The following NSUN6 variants were observed in gnomAD, a reference collection of about 807,000 sequenced individuals.
The protein encoded by NSUN6 is tRNA (cytosine(72)-C(5))-methyltransferase NSUN6.
NSUN6 carries 64 observed loss-of-function variants against 58.0 expected under a neutral mutation model. The ratio of observed to expected loss-of-function variants is 1.10; its 90% CI spans 0.90 to 1.36. The LOEUF (loss-of-function observed/expected upper bound fraction) is 1.36. Among genes scored for constraint, NSUN6 ranks in the 40% most tolerant of loss-of-function variants. The pLI is 0.00. For missense variants in NSUN6, 701 were observed against 550.1 expected (o/e 1.27, Z -2.74); for synonymous variants, 231 against 193.9 (o/e 1.19, Z -1.59).
chr10:18,634,708 G>C (rs1343348754), intron 3 of NSUN6, among the ~76,000 whole-genome samples: 1 of 152,098 alleles, frequency 6.6e-6, no homozygotes, highest in East Asian at 1.9e-4. Context: ...CTTGCAGTGA[G>C]CTCCTGCCAC....
chr10:18,556,156 G>A (rs1421278306), intron 8 of NSUN6, among the ~76,000 whole-genome samples: 1 of 151,090 alleles, frequency 6.6e-6, no homozygotes, highest in Non-Finnish European at 1.5e-5. Flanking sequence ...GAATGGAATG[G>A]AGAATGGAAT....
intron 1 of NSUN6, among the ~76,000 whole-genome samples, chr10:18,650,922 C>T (rs1779302223): frequency 6.6e-6 from 1 of 152,184 alleles, no homozygotes; most frequent in South Asian, 2.1e-4. Flanking sequence ...TTTTCCACTC[C>T]TAAATGTTAA....
chr10:18,653,861 C>G (rs2059748135), upstream of NSUN6, among the ~76,000 whole-genome samples: 2 of 152,138 alleles, frequency 1.3e-5, no homozygotes, highest in Admixed American at 6.5e-5. Flanking sequence ...ATTTAGGCTA[C>G]AAGTTCTTCA....
At position 18,566,471 on chromosome 10, in the gene NSUN6, CTCCAT is replaced by C. The variant is rs775276238; in HGVS notation, c.923-14505_923-14501del. ...ATTCCATTCTGCATTCCATTCCATT[CTCCAT>C]TCCATTCCATTCTCCATTCCATTCC... On this transcript the variant is annotated intron_variant, in intron 8 of 10. Coordinates refer to ENST00000377304, the MANE Select transcript of NSUN6 (RefSeq NM_182543.5). Among the ~76,000 whole-genome samples, 20 of 142,316 alleles carry C rather than the reference CTCCAT, an allele frequency of 1.4e-4. No homozygotes were observed. The East Asian group carries it at 3.9e-3, about 28-fold the overall frequency. The allele number at this position is 142,316 out of a possible 152,430, so 93.4% of individuals were successfully genotyped here. A position where few individuals can be genotyped will look rare whatever the true frequency, so the allele number is the denominator to read the frequency against.
upstream of NSUN6, chr10:18,658,622 T>TA: frequency 9.4e-6 from 9 of 961,918 alleles, no homozygotes; most frequent in Non-Finnish European, 1.1e-5. Flanking sequence ...TGTGTTATTA[T>TA]TATGTGTTAT....
chr10:18,611,619 T>G (rs1237607675), intron 5 of NSUN6, among the ~76,000 whole-genome samples: 1 of 152,126 alleles, frequency 6.6e-6, no homozygotes, highest in African/African-American at 2.4e-5. Context: ...AGCCTCTAAC[T>G]ACTGGGTTCA....
At chr10:18,616,431 C>A (rs1479554661) in intron 3 of NSUN6, 138 bp from the exon 4 acceptor site, 3 of 540,984 alleles carry the variant, frequency 5.5e-6, no homozygotes, top group Non-Finnish European at 6.5e-6. Context: ...AAAAGAGAGG[C>A]ATACATATAG....
upstream of NSUN6, among the ~76,000 whole-genome samples, chr10:18,657,483 A>AAATAAATACATTC (rs2059789798): frequency 1.3e-5 from 2 of 152,224 alleles, no homozygotes; most frequent in Admixed American, 6.5e-5. Context: ...AGCCATGTTC[A>AAATAAATACATTC]AATAAATACA....
At chr10:18,618,483 A>G (rs1166085871) in intron 3 of NSUN6, among the ~76,000 whole-genome samples, 1 of 151,998 alleles carries the variant, frequency 6.6e-6, no homozygotes, top group Non-Finnish European at 1.5e-5. Context: ...GGAGTTCAAG[A>G]CCAGCCTGAC....
chr10:18,563,049 G>A (rs2055653857), intron 8 of NSUN6, among the ~76,000 whole-genome samples: 1 of 150,666 alleles, frequency 6.6e-6, no homozygotes, highest in South Asian at 2.1e-4. Flanking sequence ...TGAATGGAAT[G>A]GAGAATTGAT....
At chr10:18,585,589 T>A (rs2057094062) in intron 8 of NSUN6, among the ~76,000 whole-genome samples, 1 of 152,146 alleles carries the variant, frequency 6.6e-6, no homozygotes, top group East Asian at 1.9e-4. Context: ...CTCACTTAAG[T>A]GGGGAATCTA....
intron 3 of NSUN6, among the ~76,000 whole-genome samples, chr10:18,628,776 G>A (rs1164552407): frequency 1.3e-5 from 2 of 152,092 alleles, no homozygotes; most frequent in East Asian, 1.9e-4. Context: ...AATCTACGTC[G>A]ATTGGTGTAC....
intron 8 of NSUN6, among the ~76,000 whole-genome samples, chr10:18,585,300 T>C (rs1027700730): frequency 6.6e-6 from 1 of 152,132 alleles, no homozygotes; most frequent in African/African-American, 2.4e-5. Context: ...TACCCAGCAA[T>C]CCTACTACTG....
upstream of NSUN6, among the ~76,000 whole-genome samples, chr10:18,655,979 G>A (rs1483828908): frequency 6.6e-6 from 1 of 152,098 alleles, no homozygotes; most frequent in Non-Finnish European, 1.5e-5. Context: ...TGAAACTCAG[G>A]ATATTATGGC....
At chr10:18,638,280 A>C (rs1244855331) in intron 3 of NSUN6, among the ~76,000 whole-genome samples, 1 of 152,088 alleles carries the variant, frequency 6.6e-6, no homozygotes, top group Non-Finnish European at 1.5e-5. Flanking sequence ...CCATCTACTA[A>C]AAATACAAAA....
intron 3 of NSUN6, among the ~76,000 whole-genome samples, chr10:18,625,098 C>A (rs1051961404): frequency 5.3e-5 from 8 of 152,160 alleles, no homozygotes; most frequent in African/African-American, 1.2e-4. Context: ...TGGGACCTCA[C>A]TGAGACAGCC....
Position 18,651,261 on chromosome 10 carries a change from T to TG in NSUN6, c.-59_-58insC. 2 of 1,502,760 alleles carry TG rather than the reference T, an allele frequency of 1.3e-6. No homozygotes were observed. Among genetic ancestry groups the TG allele is most frequent in the South Asian group, 1.3e-5 (1 of 75,490 alleles). 93.1% of individuals were successfully genotyped at this position (1,502,760 alleles called of 1,614,324 possible). On this transcript the variant is annotated 5_prime_UTR_variant, in exon 1 of 11. Transcript: ENST00000377304. The stretch of plus-strand genomic sequence containing the variant: ...ATGCTGGAAAACGGTGTTTTGTTTT[T>TG]TTTTTTCTTTCCGAATTAATAGTGA...
chr10:18,578,511 C>G (rs1163495009), intron 8 of NSUN6, among the ~76,000 whole-genome samples: 3 of 152,096 alleles, frequency 2.0e-5, no homozygotes, highest in African/African-American at 7.2e-5. Context: ...TTCTCTGGCT[C>G]AGGGGAAAGG....
chr10:18,605,513 A>G lies in NSUN6; in HGVS notation c.657+4332T>C, dbSNP rs774601432. Among the ~76,000 whole-genome samples the G allele has an allele frequency of 4.1e-4, 63 of 152,200 alleles. 1 individual carries two copies. Among genetic ancestry groups the G allele is most frequent in the Non-Finnish European group, 1.3e-4 (9 of 68,034 alleles). ...CAATGGATGCAAAATCGAGGGGGAA[A>G]TTTGAATTAGGAGCAGGATTTGAAT... is the stretch of plus-strand genomic sequence containing the variant. On this transcript the variant is annotated intron_variant, in intron 6 of 10. Coordinates refer to ENST00000377304, the MANE Select transcript of NSUN6 (RefSeq NM_182543.5).
Sources: allele counts gnomAD v4.1 joint callset (sites outside exome capture counted in the v4.1 genomes callset), GRCh38; gene constraint gnomAD v4.1.1; transcripts MANE v1.5; gene names NCBI Gene and HGNC (gene_info 2026-07-23, HGNC 2026-07-21).